The following RBFOX1 variants were observed in gnomAD, a reference collection of about 807,000 sequenced individuals.
RBFOX1 encodes the protein RNA binding protein fox-1 homolog 1.
In RBFOX1, 8 loss-of-function variants were observed where a neutral mutation model predicts 57.7. That is an observed-to-expected ratio of 0.14 (90% confidence interval 0.08 to 0.25). RBFOX1 has a LOEUF of 0.25. RBFOX1 is among the 10% of genes least tolerant of loss of function. The pLI, the probability that RBFOX1 is intolerant of heterozygous loss-of-function variation, is 1.00. For missense variants in RBFOX1, 611 were observed against 548.5 expected, an observed-to-expected ratio of 1.11 and a Z score of -1.14; for synonymous variants, 326 against 222.4, an observed-to-expected ratio of 1.47 and a Z score of -4.15.
chr16:5,509,616 C>G (rs1244364209), intron 2 of RBFOX1, among the ~76,000 whole-genome samples: 1 of 152,184 alleles, frequency 6.6e-6, no homozygotes, highest in African/African-American at 2.4e-5. Context: ...CTTGCAAATT[C>G]TCCTCATTTT....
At chr16:6,523,754 A>G (rs529870222) in intron 2 of RBFOX1, among the ~76,000 whole-genome samples, 103 of 152,330 alleles carry the variant, frequency 6.8e-4, no homozygotes, top group Non-Finnish European at 1.2e-3. Flanking sequence ...GGTTGACTAT[A>G]AAAAAGCGAC....
At chr16:6,255,161 C>T (rs958102918) in intron 1 of RBFOX1, among the ~76,000 whole-genome samples, 1 of 152,094 alleles carries the variant, frequency 6.6e-6, no homozygotes, top group Non-Finnish European at 1.5e-5. Context: ...TGGTGAGAAC[C>T]TGGAAACATT....
At chr16:6,403,952 G>A (rs1245773541) in intron 2 of RBFOX1, among the ~76,000 whole-genome samples, 2 of 152,088 alleles carry the variant, frequency 1.3e-5, no homozygotes, top group East Asian at 1.9e-4. Context: ...CTGTCTGTAA[G>A]CCAGGAAAAG....
intron 2 of RBFOX1, among the ~76,000 whole-genome samples, chr16:6,436,511 C>CTTTTTT (rs61508952): frequency 9.7e-6 from 1 of 103,420 alleles, no homozygotes; most frequent in Non-Finnish European, 2.0e-5. Context: ...TTTTTCTTCA[C>CTTTTTT]TTTTTTTTTT....
At chr16:6,373,445 G>A (rs754719191) in intron 2 of RBFOX1, among the ~76,000 whole-genome samples, 111 of 151,950 alleles carry the variant, frequency 7.3e-4, no homozygotes, top group Admixed American at 1.4e-3. Flanking sequence ...TAACTGGATG[G>A]GAGGATGGTT....
Position 5,576,571 on chromosome 16 carries a change from C to T in RBFOX1, c.259-22331C>T, listed in dbSNP as rs1239438829. Among the ~76,000 whole-genome samples the T allele has an allele frequency of 3.9e-5, 6 of 152,204 alleles. No individual in the cohort carries two copies. In the East Asian group the frequency reaches 7.7e-4, roughly 20 times the overall value. The stretch of plus-strand genomic sequence containing the variant: ...AGATGTGTATCCTGCCCCTTTCCCC[C>T]GTAGACCCTAATGAGGTTTTGCATT... On this transcript the variant is annotated intron_variant, in intron 2 of 2. Transcript: ENST00000585867.
At chr16:7,543,843 C>T (rs2083673317) in intron 5 of RBFOX1, among the ~76,000 whole-genome samples, 1 of 152,086 alleles carries the variant, frequency 6.6e-6, no homozygotes, top group South Asian at 2.1e-4. Flanking sequence ...GCCTCACTCT[C>T]CCGAGTAGCT....
chr16:7,363,294 A>T (rs1190149347), intron 4 of RBFOX1, among the ~76,000 whole-genome samples: 1 of 152,108 alleles, frequency 6.6e-6, no homozygotes, highest in African/African-American at 2.4e-5. Context: ...GCTGTTGAGA[A>T]ATCCTGTCTC....
chr16:7,304,323 C>T (rs2096118243), intron 4 of RBFOX1: 1 of 984,956 alleles, frequency 1.0e-6, no homozygotes, highest in Non-Finnish European at 1.2e-6. Context: ...AGCGCCCAGG[C>T]AGAGAGCAAC....
At chr16:7,603,416 A>G (rs1298125090) in intron 9 of RBFOX1, among the ~76,000 whole-genome samples, 1 of 152,216 alleles carries the variant, frequency 6.6e-6, no homozygotes, top group Non-Finnish European at 1.5e-5. Flanking sequence ...GAATGGTTAT[A>G]AAAGACAAGA....
chr16:6,094,204 C>T (rs2096215249), intron 1 of RBFOX1, among the ~76,000 whole-genome samples: 1 of 152,192 alleles, frequency 6.6e-6, no homozygotes, highest in South Asian at 2.1e-4. Context: ...AATGTGCTTT[C>T]CATGGATGAG....
intron 14 of RBFOX1, among the ~76,000 whole-genome samples, chr16:7,708,068 C>T (rs1433636331): frequency 6.6e-6 from 1 of 152,132 alleles, no homozygotes; most frequent in Admixed American, 6.5e-5. Context: ...AGGCTGAGTG[C>T]AGTGACTCAC....
At chr16:6,623,136 G>C (rs2098257215) in intron 2 of RBFOX1, among the ~76,000 whole-genome samples, 1 of 152,128 alleles carries the variant, frequency 6.6e-6, no homozygotes, top group South Asian at 2.1e-4. Flanking sequence ...GACTGGCACA[G>C]GCTCTGCATA....
At chr16:5,310,117 G>A (rs2064044930) in intron 1 of RBFOX1, among the ~76,000 whole-genome samples, 1 of 152,186 alleles carries the variant, frequency 6.6e-6, no homozygotes, top group African/African-American at 2.4e-5. Flanking sequence ...GGGCGGCTGA[G>A]TGTAGAGGTA....
chr16:6,591,248 C>G (rs1198245355), intron 2 of RBFOX1, among the ~76,000 whole-genome samples: 4 of 152,106 alleles, frequency 2.6e-5, no homozygotes, highest in Non-Finnish European at 5.9e-5. Flanking sequence ...GAGTTCAAGA[C>G]CAGCCTGGCC....
intron 3 of RBFOX1, among the ~76,000 whole-genome samples, chr16:5,702,228 C>G (rs1247663943): frequency 2.0e-5 from 3 of 152,190 alleles, no homozygotes; most frequent in Non-Finnish European, 4.4e-5. Flanking sequence ...CCTCAGGAAA[C>G]TTACAATTAT....
At chr16:5,805,263 G>C (rs1223080375) in intron 3 of RBFOX1, among the ~76,000 whole-genome samples, 2 of 152,108 alleles carry the variant, frequency 1.3e-5, no homozygotes, top group African/African-American at 4.8e-5. Context: ...GGTCAGACAG[G>C]ATGGGTTCAT....
At chr16:6,167,908 C>G (rs1482807776) in intron 1 of RBFOX1, among the ~76,000 whole-genome samples, 1 of 152,044 alleles carries the variant, frequency 6.6e-6, no homozygotes, top group African/African-American at 2.4e-5. Flanking sequence ...AAAATTTTTG[C>G]CTATGCTGCA....
chr16:6,273,118 G>A (rs1459719683), intron 1 of RBFOX1, among the ~76,000 whole-genome samples: 2 of 151,766 alleles, frequency 1.3e-5, no homozygotes, highest in Non-Finnish European at 2.9e-5. Context: ...AAATTAGCCA[G>A]GCATGGTGGC....
Sources: allele counts gnomAD v4.1 joint callset (sites outside exome capture counted in the v4.1 genomes callset), GRCh38; gene constraint gnomAD v4.1.1; transcripts MANE v1.5; gene names NCBI Gene and HGNC (gene_info 2026-07-23, HGNC 2026-07-21).